Variants in FOXN3 observed in about 807,000 individuals in gnomAD.
FOXN3 encodes the protein forkhead box N3.
Under a neutral mutation model 38.4 loss-of-function variants are expected in FOXN3, and 7 were observed. The ratio of observed to expected loss-of-function variants is 0.18; its 90% confidence interval spans 0.10 to 0.34. FOXN3 has a LOEUF of 0.34. Ranked by LOEUF, FOXN3 falls within the 10% of genes least tolerant of loss-of-function variation. The pLI, the probability that FOXN3 is intolerant of heterozygous loss-of-function variation, is 1.00. For synonymous variants in FOXN3, 230 were observed against 242.2 expected, an observed-to-expected ratio of 0.95 and a Z score of 0.47; for missense variants, 456 against 613.4, an observed-to-expected ratio of 0.74 and a Z score of 2.71.
intron 4 of FOXN3, among the ~76,000 whole-genome samples, chr14:89,215,017 A>G (rs551737611): frequency 7.2e-5 from 11 of 152,370 alleles, no homozygotes; most frequent in African/African-American, 2.4e-4. Flanking sequence ...AGGCGAGGGT[A>G]GTATATTCTA....
intron 4 of FOXN3, among the ~76,000 whole-genome samples, chr14:89,192,889 TCCCACTGCC>T (rs1407929832): frequency 6.6e-6 from 1 of 151,568 alleles, no homozygotes; most frequent in African/African-American, 2.4e-5. Context: ...CCCCTGTGGC[TCCCACTGCC>T]CCGGGTCCCT....
At chr14:89,429,454 G>A (rs769872378) in intron 1 of FOXN3, among the ~76,000 whole-genome samples, 97 of 152,118 alleles carry the variant, frequency 6.4e-4, no homozygotes, top group Non-Finnish European at 1.1e-3. Flanking sequence ...AGCACAAAGG[G>A]AATCATACCC....
intron 1 of FOXN3, among the ~76,000 whole-genome samples, chr14:89,611,805 C>CAAAAA (rs56373132): frequency 2.2e-5 from 2 of 89,276 alleles, no homozygotes; most frequent in South Asian, 3.5e-4. Flanking sequence ...GACTCCGTCT[C>CAAAAA]AAAAAAAAAA....
Position 89,174,212 on chromosome 14 carries a change from T to C in FOXN3, c.851+6489A>G, listed in dbSNP as rs1475465739. On this transcript the variant is annotated intron_variant, in intron 5 of 5. Transcript: ENST00000557258. ...TGTTAATTTACAGCTCTTCCCTACC[T>C]TTTTCACAAAATCCAGTCTAATTCT... 3.9e-5 allele frequency among the ~76,000 whole-genome samples: 6 copies of C among 152,266 alleles called. No homozygotes were observed. In the East Asian group the frequency reaches 1.2e-3, roughly 29 times the overall value.
chr14:89,336,204 T>G (rs1483962021), intron 3 of FOXN3, among the ~76,000 whole-genome samples: 1 of 39,182 alleles, frequency 2.6e-5, no homozygotes, highest in Non-Finnish European at 6.1e-5. Context: ...TTCCCCATTC[T>G]CCTAACGGTG....
intron 4 of FOXN3, among the ~76,000 whole-genome samples, chr14:89,270,425 C>T (rs1423260432): frequency 6.6e-6 from 1 of 152,154 alleles, no homozygotes; most frequent in Non-Finnish European, 1.5e-5. Context: ...TATTGGATAC[C>T]CAATCATCAC....
chr14:89,503,732 C>T (rs919898858), intron 1 of FOXN3, among the ~76,000 whole-genome samples: 1 of 152,170 alleles, frequency 6.6e-6, no homozygotes, highest in East Asian at 1.9e-4. Context: ...TCACTACATT[C>T]ACTTGACAAC....
chr14:89,440,617 G>T (rs781315955), intron 1 of FOXN3, among the ~76,000 whole-genome samples: 3 of 152,068 alleles, frequency 2.0e-5, no homozygotes, highest in Non-Finnish European at 2.9e-5. Flanking sequence ...ACTCCTGCCC[G>T]CCAGAGAACA....
At chr14:89,370,807 T>A (rs1262394624) in intron 2 of FOXN3, among the ~76,000 whole-genome samples, 1 of 152,158 alleles carries the variant, frequency 6.6e-6, no homozygotes, top group Non-Finnish European at 1.5e-5. Context: ...GCCCGTAGGG[T>A]CCATCTACCC....
intron 4 of FOXN3, among the ~76,000 whole-genome samples, chr14:89,186,502 T>C (rs1370232306): frequency 1.3e-5 from 2 of 152,044 alleles, no homozygotes; most frequent in African/African-American, 4.8e-5. Context: ...CTGAAGGAGA[T>C]ACTAGAAGCT....
At chr14:89,267,558 A>G (rs1015784950) in intron 4 of FOXN3, among the ~76,000 whole-genome samples, 3 of 152,252 alleles carry the variant, frequency 2.0e-5, no homozygotes, top group African/African-American at 2.4e-5. Context: ...CAATCTACTT[A>G]GGAAAAATAA....
chr14:89,512,571 T>C (rs1043251189), intron 1 of FOXN3, among the ~76,000 whole-genome samples: 2 of 152,246 alleles, frequency 1.3e-5, no homozygotes, highest in African/African-American at 4.8e-5. Context: ...ATCTGCTCCC[T>C]AACTCCAATG....
At chr14:89,392,481 C>T (rs1422493044) in intron 2 of FOXN3, among the ~76,000 whole-genome samples, 1 of 152,160 alleles carries the variant, frequency 6.6e-6, no homozygotes, top group African/African-American at 2.4e-5. Flanking sequence ...GTCAGCAGGG[C>T]TGGTCCCTTC....
chr14:89,608,124 G>A (rs550853820), intron 1 of FOXN3, among the ~76,000 whole-genome samples: 5 of 151,690 alleles, frequency 3.3e-5, no homozygotes, highest in African/African-American at 9.7e-5. Flanking sequence ...GACTACAGGC[G>A]CCCGCCACCA....
chr14:89,349,252 CCTT>C (rs1888875137), intron 3 of FOXN3, among the ~76,000 whole-genome samples: 1 of 152,172 alleles, frequency 6.6e-6, no homozygotes, highest in Non-Finnish European at 1.5e-5. Context: ...ATGGCTCTGT[CCTT>C]CTGGACATGT....
chr14:89,210,957 C>T (rs1470874688), intron 4 of FOXN3, among the ~76,000 whole-genome samples: 1 of 152,226 alleles, frequency 6.6e-6, no homozygotes, highest in East Asian at 1.9e-4. Context: ...CATTTCTCCA[C>T]TCTCTGGCAG....
Position 89,548,359 on chromosome 14 carries a change from G to A in FOXN3, c.-15+70669C>T, listed in dbSNP as rs554221038. On this transcript the variant is annotated intron_variant, in intron 1 of 6. Coordinates refer to the FOXN3 transcript ENST00000345097. The surrounding 1 kb of genome is among the most constrained non-coding windows in gnomAD (Gnocchi z 4.8). ...ATGTATGCGGCTAGGCTACATATACGGTTATAAAGATGTGCACATATCACA... is the reference window on the plus strand; with the variant it reads ...ATGTATGCGGCTAGGCTACATATACAGTTATAAAGATGTGCACATATCACA... 1.3e-5 allele frequency among the ~76,000 whole-genome samples: 2 copies of A among 152,108 alleles called. No homozygotes were observed. The highest frequency in any genetic ancestry group is 1.9e-4 in the East Asian group (1 of 5,174).
At chr14:89,405,299 G>C (rs974761797) in intron 2 of FOXN3, among the ~76,000 whole-genome samples, 1 of 152,064 alleles carries the variant, frequency 6.6e-6, no homozygotes, top group Non-Finnish European at 1.5e-5. Flanking sequence ...ACCAGACCCG[G>C]CTACTTTTTG....
chr14:89,618,377 G>A (rs1268076934), intron 1 of FOXN3, among the ~76,000 whole-genome samples: 2 of 152,112 alleles, frequency 1.3e-5, no homozygotes, highest in African/African-American at 4.8e-5. Flanking sequence ...CTTCCCAGCC[G>A]GCAATCATGG....
Sources: gnomAD v4.1 joint callset for allele counts (sites outside exome capture counted in the v4.1 genomes callset) on GRCh38, gnomAD v4.1.1 for gene constraint, Gnocchi (gnomAD v3.1) non-coding constraint, MANE v1.5 for transcripts, NCBI Gene and HGNC (gene_info 2026-07-23, HGNC 2026-07-21) for gene names.